Variants in TENM2 observed in about 807,000 individuals in gnomAD.
The protein encoded by TENM2 is teneurin transmembrane protein 2.
In TENM2, 52 loss-of-function variants were observed where a neutral mutation model predicts 245.2. The ratio of observed to expected loss-of-function variants is 0.21; its 90% CI spans 0.17 to 0.27. TENM2 has a LOEUF of 0.27. Ranked by LOEUF, TENM2 falls within the 10% of genes least tolerant of loss-of-function variation. TENM2 has a pLI of 1.00. For missense variants in TENM2, 3,046 were observed against 3,666.8 expected (o/e 0.83, Z 4.37); for synonymous variants, 1,363 against 1,438.9 (o/e 0.95, Z 1.19).
chr5:167,419,576 G>A (rs1235256157), intron 2 of TENM2, among the ~76,000 whole-genome samples: 1 of 152,110 alleles, frequency 6.6e-6, no homozygotes, highest in African/African-American at 2.4e-5. Flanking sequence ...GCCCTTCTTG[G>A]TCAGAATGAC....
intron 2 of TENM2, among the ~76,000 whole-genome samples, chr5:167,868,430 A>G (rs930929523): frequency 2.0e-5 from 3 of 152,014 alleles, no homozygotes; most frequent in Non-Finnish European, 2.9e-5. Flanking sequence ...TACATAATAT[A>G]TATCTGTATT....
intron 7 of TENM2, among the ~76,000 whole-genome samples, chr5:168,067,002 C>A (rs753156583): frequency 6.6e-6 from 1 of 152,186 alleles, no homozygotes; most frequent in Admixed American, 6.5e-5. Context: ...ATATGTCAAG[C>A]CAAGTAAAAT....
intron 2 of TENM2, among the ~76,000 whole-genome samples, chr5:167,700,938 G>A: frequency 1.1e-5 from 1 of 94,286 alleles, no homozygotes; most frequent in South Asian, 3.9e-4. Flanking sequence ...ACACACAGTT[G>A]TTATATTTCT....
chr5:167,762,996 C>A (rs1044901295), intron 2 of TENM2, among the ~76,000 whole-genome samples: 3 of 152,152 alleles, frequency 2.0e-5, no homozygotes, highest in African/African-American at 7.2e-5. Flanking sequence ...GATTACCCAG[C>A]TTATAAATTC....
rs35008835 is a variant in TENM2, at chr5:168,144,016, A to AT, written c.2422+17064dup. On this transcript the variant is annotated intron_variant, in intron 12 of 28. Coordinates refer to ENST00000518659, the Ensembl canonical transcript of TENM2. ...AGGCATGCACCACCATGCCCAGCTA[A>AT]TTTTTTTTTTTTTTGTATTTTTAGT... 5.5e-4 allele frequency among the ~76,000 whole-genome samples: 78 copies of AT among 142,658 alleles called. 2 individuals carry two copies. Among genetic ancestry groups the AT allele is most frequent in the South Asian group, 3.7e-3 (16 of 4,368 alleles). 93.6% of individuals were successfully genotyped at this position (142,658 alleles called of 152,430 possible).
At chr5:167,223,829 C>T in the TENM2 span, among the ~76,000 whole-genome samples, 1 of 151,922 alleles carries the variant, frequency 6.6e-6, no homozygotes, top group East Asian at 1.9e-4. Context: ...TTCCCTTTTC[C>T]CCACAAACTT....
intron 13 of TENM2, chr5:168,165,290 G>A (rs189843515): frequency 1.3e-5 from 2 of 152,218 alleles, no homozygotes; most frequent in African/African-American, 2.4e-5. Flanking sequence ...TGCTGGTAAG[G>A]TTCACTGCTT....
chr5:167,915,199 A>G (rs754817767), intron 3 of TENM2, among the ~76,000 whole-genome samples: 1 of 152,082 alleles, frequency 6.6e-6, no homozygotes, highest in Non-Finnish European at 1.5e-5. Flanking sequence ...CAACCTTGAG[A>G]TGCTAACATC....
intron 4 of TENM2, among the ~76,000 whole-genome samples, chr5:167,971,216 AAG>A (rs1781752022): frequency 6.7e-6 from 1 of 150,240 alleles, no homozygotes; most frequent in South Asian, 2.1e-4. Flanking sequence ...GATAGAGATA[AAG>A]AGAGAGAGAT....
At chr5:167,107,602 T>A in the TENM2 span, among the ~76,000 whole-genome samples, 2 of 152,204 alleles carry the variant, frequency 1.3e-5, no homozygotes, top group East Asian at 3.9e-4. Flanking sequence ...CCAGCTCTGG[T>A]TCCTCTCGCT....
chr5:167,275,318 T>G, the TENM2 span, among the ~76,000 whole-genome samples: 6 of 152,132 alleles, frequency 3.9e-5, no homozygotes, highest in East Asian at 1.2e-3. Flanking sequence ...TTCTTCTTTT[T>G]TAAATAATTG....
chr5:167,459,042 G>A (rs910960757), intron 2 of TENM2, among the ~76,000 whole-genome samples: 1 of 152,158 alleles, frequency 6.6e-6, no homozygotes, highest in Admixed American at 6.5e-5. Flanking sequence ...GGGTTCAGTA[G>A]TGTTAGGTAC....
At chr5:167,811,722 C>T (rs1265731714) in intron 2 of TENM2, among the ~76,000 whole-genome samples, 1 of 152,034 alleles carries the variant, frequency 6.6e-6, no homozygotes, top group Non-Finnish European at 1.5e-5. Flanking sequence ...AAAATCAGAC[C>T]TCAGCGATGA....
the TENM2 span, among the ~76,000 whole-genome samples, chr5:167,230,470 A>G: frequency 4.0e-4 from 61 of 152,190 alleles, no homozygotes; most frequent in East Asian, 0.01. Context: ...TCCAGTCACT[A>G]TTTTGGTTCT....
intron 2 of TENM2, among the ~76,000 whole-genome samples, chr5:167,618,315 G>C (rs1185308910): frequency 6.6e-6 from 1 of 152,082 alleles, no homozygotes; most frequent in East Asian, 1.9e-4. Flanking sequence ...CCTGACTCCA[G>C]AGGATATGCT....
At chr5:167,537,302 T>C (rs973420678) in intron 2 of TENM2, among the ~76,000 whole-genome samples, 2 of 150,960 alleles carry the variant, frequency 1.3e-5, no homozygotes, top group African/African-American at 4.9e-5. Flanking sequence ...TTTTTTCATC[T>C]GCAAAGCTAA....
At chr5:167,113,244 G>A in the TENM2 span, among the ~76,000 whole-genome samples, 1 of 152,128 alleles carries the variant, frequency 6.6e-6, no homozygotes, top group Admixed American at 6.5e-5. Context: ...AGGAGTGAGA[G>A]CTGCAAAGGG....
intron 2 of TENM2, among the ~76,000 whole-genome samples, chr5:167,584,693 CTTTTCT>C (rs1375804620): frequency 7.9e-6 from 1 of 127,022 alleles, no homozygotes; most frequent in Non-Finnish European, 1.7e-5. Context: ...GCTTTCTTTA[CTTTTCT>C]TTTTTTTTTT....
At chr5:167,795,867 A>G (rs1306798195) in intron 2 of TENM2, among the ~76,000 whole-genome samples, 2 of 152,252 alleles carry the variant, frequency 1.3e-5, no homozygotes, top group African/African-American at 2.4e-5. Context: ...GGCAATGTGC[A>G]TAAGAAATTA....
Sources: gnomAD v4.1 joint callset for allele counts (sites outside exome capture counted in the v4.1 genomes callset) on GRCh38, gnomAD v4.1.1 for gene constraint, MANE v1.5 for transcripts, NCBI Gene and HGNC (gene_info 2026-07-23, HGNC 2026-07-21) for gene names.